Variants in MTMR3 observed in about 807,000 individuals in gnomAD.
MTMR3 encodes the protein phosphatidylinositol-3,5-bisphosphate 3-phosphatase MTMR3.
A neutral mutation model predicts 132.4 loss-of-function variants in MTMR3; 32 were observed. That is an observed-to-expected ratio of 0.24 (90% CI 0.18 to 0.32). The LOEUF (loss-of-function observed/expected upper bound fraction) is 0.32, where lower values mean the gene tolerates loss of function less well. Among genes scored for constraint, MTMR3 ranks in the 10% least tolerant of loss-of-function variants. The pLI, the probability that MTMR3 is intolerant of heterozygous loss-of-function variation, is 1.00. For missense variants in MTMR3, 1,216 were observed against 1,489.6 expected (o/e 0.82, Z 3.02); for synonymous variants, 556 against 550.3 (o/e 1.01, Z -0.14).
intron 1 of MTMR3, among the ~76,000 whole-genome samples, chr22:29,890,468 A>G (rs2064774676): frequency 6.6e-6 from 1 of 152,016 alleles, no homozygotes; most frequent in African/African-American, 2.4e-5. Context: ...CAGTGAGCCG[A>G]GATTAAGCTG....
At chr22:30,025,492 A>T in intron 19 of MTMR3, 138 bp from the exon 20 acceptor site, 1 of 835,446 alleles carries the variant, frequency 1.2e-6, no homozygotes, top group Non-Finnish European at 1.9e-6. Flanking sequence ...TTCCTGGGCT[A>T]GAGAGATGAA....
chr22:29,979,931 C>T (rs897737682), intron 5 of MTMR3: 1 of 152,226 alleles, frequency 6.6e-6, no homozygotes, highest in Non-Finnish European at 1.5e-5. Context: ...TGAATGTCCT[C>T]TCAGTGAACT....
intron 1 of MTMR3, among the ~76,000 whole-genome samples, chr22:29,933,146 T>A (rs770005488): frequency 8.6e-5 from 13 of 152,012 alleles, no homozygotes; most frequent in African/African-American, 2.7e-4. Context: ...TTTTTTGTAT[T>A]TTTAGTAGAG....
At chr22:29,918,065 T>TAATTTAGAAA in intron 1 of MTMR3, among the ~76,000 whole-genome samples, 1 of 152,344 alleles carries the variant, frequency 6.6e-6, no homozygotes, top group Admixed American at 6.5e-5. Context: ...TTTAAGTGTT[T>TAATTTAGAAA]AATTTAGAAA....
chr22:29,896,421 G>T (rs1441975201), intron 1 of MTMR3, among the ~76,000 whole-genome samples: 2 of 152,162 alleles, frequency 1.3e-5, no homozygotes, highest in Non-Finnish European at 2.9e-5. Context: ...TCGTGTAGTT[G>T]TAAGAGGATC....
intron 1 of MTMR3, among the ~76,000 whole-genome samples, chr22:29,885,569 G>A (rs1315416939): frequency 6.6e-6 from 1 of 152,168 alleles, no homozygotes; most frequent in Non-Finnish European, 1.5e-5. Context: ...AGGAGAGGGA[G>A]TAAGTCGGCT....
rs1429691940 is a variant in MTMR3, at chr22:30,025,679, G to A, written c.3475G>A (p.Val1159Ile). The A allele has an allele frequency of 2.6e-5, 42 of 1,614,090 alleles. No homozygotes were observed. Among genetic ancestry groups the A allele is most frequent in the Non-Finnish European group, 3.4e-5 (40 of 1,180,036 alleles). The part of the protein sequence containing the change: ...CSSCCNQKVP[V>I]PSQQLFEPSR... The stretch of plus-strand genomic sequence containing the variant: ...CAGTTGTTGTAACCAGAAGGTTCCA[G>A]TTCCCAGCCAGCAGCTCTTTGAACC... Residue 1159 changes from valine (V) to isoleucine (I), a missense_variant, in exon 20 of 20, where the codon GTT (valine) becomes ATT (isoleucine). Around this residue, in one of 7 missense-constraint regions of MTMR3, gnomAD observed 852 missense variants for 852.0 expected, o/e 1.00. Coordinates refer to ENST00000401950, the MANE Select transcript of MTMR3 (RefSeq NM_021090.4).
intron 1 of MTMR3, among the ~76,000 whole-genome samples, chr22:29,910,776 G>C (rs546938254): frequency 6.8e-6 from 1 of 147,544 alleles, no homozygotes; most frequent in Admixed American, 6.9e-5. Flanking sequence ...CCCTGCCTAA[G>C]CAAGGCCTCA....
At chr22:29,994,147 C>T in intron 7 of MTMR3, 1 of 985,040 alleles carries the variant, frequency 1.0e-6, no homozygotes, top group Non-Finnish European at 1.2e-6. Flanking sequence ...TATGAAAACA[C>T]TTTGGAAATT....
intron 6 of MTMR3, chr22:29,990,075 A>G (rs2066931072): frequency 6.6e-6 from 1 of 152,122 alleles, no homozygotes. Context: ...TCTACTAAAA[A>G]TACGAAAATT....
At chr22:29,896,009 T>C (rs1279406871) in intron 1 of MTMR3, among the ~76,000 whole-genome samples, 2 of 152,164 alleles carry the variant, frequency 1.3e-5, no homozygotes, top group Non-Finnish European at 2.9e-5. Flanking sequence ...CACCCACTTA[T>C]CAAGCTTTTT....
At chr22:29,902,567 C>T (rs917470545) in intron 1 of MTMR3, among the ~76,000 whole-genome samples, 7 of 152,112 alleles carry the variant, frequency 4.6e-5, no homozygotes, top group Non-Finnish European at 8.8e-5. Context: ...TGGGGTTTCA[C>T]GATATTGGCC....
intron 4 of MTMR3, 55 bp downstream of exon 4, chr22:29,978,586 C>T: frequency 7.4e-7 from 1 of 1,357,522 alleles, no homozygotes; most frequent in Non-Finnish European, 1.0e-6. Flanking sequence ...AACTGTATAG[C>T]AGAGTTAATG....
chr22:29,898,692 G>A (rs1328666293), intron 1 of MTMR3, among the ~76,000 whole-genome samples: 4 of 151,998 alleles, frequency 2.6e-5, no homozygotes, highest in African/African-American at 9.7e-5. Flanking sequence ...GTGAGCCACC[G>A]TACCCAGCTC....
chr22:30,010,298 T>TC (rs1256825337), intron 12 of MTMR3: 1 of 152,206 alleles, frequency 6.6e-6, no homozygotes, highest in East Asian at 1.9e-4. Flanking sequence ...CACTACATGA[T>TC]CTAATACCCT....
At chr22:29,978,277 T>C in intron 3 of MTMR3, 165 bp from the exon 4 acceptor site, 1 of 489,964 alleles carries the variant, frequency 2.0e-6, no homozygotes, top group African/African-American at 1.9e-5. Flanking sequence ...ACTAATGTAT[T>C]GGATAGAAAA....
intron 1 of MTMR3, among the ~76,000 whole-genome samples, chr22:29,902,101 G>T (rs574236016): frequency 1.4e-4 from 22 of 152,070 alleles, no homozygotes; most frequent in African/African-American, 5.3e-4. Context: ...CTTTATTAGA[G>T]AACCTGAAAA....
chr22:29,993,939 C>G (rs565907041), intron 7 of MTMR3: 1 of 175,498 alleles, frequency 5.7e-6, no homozygotes, highest in African/African-American at 2.4e-5. Flanking sequence ...AATTTAAATG[C>G]GTATTCTACG....
chr22:29,944,771 T>C (rs1280418539), intron 1 of MTMR3, among the ~76,000 whole-genome samples: 6 of 152,222 alleles, frequency 3.9e-5, no homozygotes, highest in Non-Finnish European at 8.8e-5. Flanking sequence ...CAAACTGAGA[T>C]CACAGAACAT....
Sources: allele counts gnomAD v4.1 joint callset (sites outside exome capture counted in the v4.1 genomes callset), GRCh38; gene constraint gnomAD v4.1.1; regional missense constraint gnomAD v4.1.1; transcripts MANE v1.5; gene names NCBI Gene and HGNC (gene_info 2026-07-23, HGNC 2026-07-21).